The following CIP2A variants were observed in gnomAD, a reference collection of about 807,000 sequenced individuals.
CIP2A encodes protein CIP2A.
A neutral mutation model predicts 110.9 loss-of-function variants in CIP2A; 103 were observed. The ratio of observed to expected loss-of-function variants is 0.93; its 90% CI spans 0.79 to 1.09. The LOEUF (loss-of-function observed/expected upper bound fraction) is 1.09. CIP2A is among the 50% of genes least tolerant of loss of function. CIP2A has a pLI of 0.00. For synonymous variants in CIP2A, 381 were observed against 361.6 expected (o/e 1.05, Z -0.61); for missense variants, 1,088 against 1,038.4 (o/e 1.05, Z -0.66).
At chr3:108,589,142 T>G in intron 1 of CIP2A, 132 bp downstream of exon 1, 3 of 660,328 alleles carry the variant, frequency 4.5e-6, no homozygotes, top group Non-Finnish European at 8.0e-6. Flanking sequence ...CCTTTACCAG[T>G]ACGAAAAGAC....
chr3:108,566,438 A>T, intron 11 of CIP2A, 59 bp downstream of exon 11: 1 of 1,359,858 alleles, frequency 7.4e-7, no homozygotes, highest in Non-Finnish European at 1.0e-6. Flanking sequence ...GATGAGAATC[A>T]CCACATCTTT....
chr3:108,554,883 T>A (rs1937732208), intron 17 of CIP2A, among the ~76,000 whole-genome samples: 1 of 152,154 alleles, frequency 6.6e-6, no homozygotes, highest in South Asian at 2.1e-4. Context: ...CAGAAAAAAA[T>A]CCTTTCTAAA....
In CIP2A at chr3:108,589,365, G is replaced by A. The variant is rs369941949; in HGVS notation, c.11C>T (p.Thr4Ile). The change falls in exon 1 of 21, where the codon ACT becomes ATT. Residue 4 changes from threonine (T) to isoleucine (I), a missense_variant. Thr to Ile is a moderately conservative substitution (Grantham distance 89). Coordinates refer to ENST00000295746, the MANE Select transcript of CIP2A (RefSeq NM_020890.3). Reference sequence around the variant, plus strand: ...CAGGAGCAAGGACTTCAAGCAGGCAGTGGAGTCCATTGCACCGGCCGCGGC... The same window carrying A: ...CAGGAGCAAGGACTTCAAGCAGGCAATGGAGTCCATTGCACCGGCCGCGGC... MDS[T>I]ACLKSLLLTV... The A allele has an allele frequency of 4.3e-6, 7 of 1,612,676 alleles. No homozygotes were observed. In the African/African-American group the frequency reaches 5.3e-5, roughly 12 times the overall value.
chr3:108,579,245 T>G (rs1283558269), intron 7 of CIP2A, 36 bp downstream of exon 7: 2 of 1,529,960 alleles, frequency 1.3e-6, no homozygotes, highest in South Asian at 1.2e-5. Flanking sequence ...GGTTTAAAAA[T>G]AAAAAAGTTC....
intron 7 of CIP2A, among the ~76,000 whole-genome samples, chr3:108,578,609 T>TCAAA (rs942518088): frequency 6.6e-6 from 1 of 152,212 alleles, no homozygotes; most frequent in African/African-American, 2.4e-5. Flanking sequence ...AATGTTTTCT[T>TCAAA]GTGTGTGAAA....
intron 1 of CIP2A, among the ~76,000 whole-genome samples, chr3:108,586,341 C>A (rs1939038114): frequency 6.6e-6 from 1 of 151,086 alleles, no homozygotes; most frequent in African/African-American, 2.5e-5. Flanking sequence ...GTAGGAAATA[C>A]TGTGGGCATT....
intron 18 of CIP2A, among the ~76,000 whole-genome samples, 186 bp from the exon 19 acceptor site, chr3:108,553,916 A>C (rs992886366): frequency 0.02 from 2,785 of 142,818 alleles, 237 homozygotes; most frequent in Non-Finnish European, 0.03. Context: ...AAAAAAAAAA[A>C]AAAGGTCTCG....
intron 5 of CIP2A, among the ~76,000 whole-genome samples, chr3:108,580,753 C>T (rs988976988): frequency 6.6e-6 from 1 of 151,982 alleles, no homozygotes; most frequent in East Asian, 1.9e-4. Context: ...CTCAGCTTCC[C>T]AAGTAGCTGG....
In CIP2A at chr3:108,577,363, G is replaced by A. The variant is rs116060928; in HGVS notation, c.819-1017C>T. On this transcript the variant is annotated intron_variant, in intron 7 of 20. Coordinates refer to ENST00000295746, the MANE Select transcript of CIP2A (RefSeq NM_020890.3). ...AAGGGTCAACTGAATAGGAGGCCCC[G>A]AAGAGAGAGGAGCAACTGCTTCAGA... Among the ~76,000 whole-genome samples the A allele has an allele frequency of 1.9e-3, 282 of 152,230 alleles. 1 individual carries two copies. The highest frequency in any genetic ancestry group is 2.9e-3 in the Admixed American group (44 of 15,294).
intron 10 of CIP2A, 81 bp downstream of exon 10, chr3:108,568,074 G>A: frequency 5.7e-6 from 6 of 1,057,072 alleles, no homozygotes; most frequent in Non-Finnish European, 8.0e-6. Flanking sequence ...TACAAATAAA[G>A]ACAAAATGCA....
intron 8 of CIP2A, among the ~76,000 whole-genome samples, chr3:108,572,239 G>A (rs1938425344): frequency 6.6e-6 from 1 of 151,822 alleles, no homozygotes; most frequent in Admixed American, 6.6e-5. Flanking sequence ...TAGTGCTTTT[G>A]TTTCCTGTTT....
At chr3:108,560,558 T>TA (rs1937970748) in intron 14 of CIP2A, 91 bp downstream of exon 14, 5 of 707,026 alleles carry the variant, frequency 7.1e-6, no homozygotes, top group Non-Finnish European at 1.1e-5. Flanking sequence ...AATAGTGAAA[T>TA]CTGTACCTGA....
At chr3:108,578,129 G>C (rs1435132124) in intron 7 of CIP2A, among the ~76,000 whole-genome samples, 1 of 152,172 alleles carries the variant, frequency 6.6e-6, no homozygotes, top group African/African-American at 2.4e-5. Context: ...CTACGATAGA[G>C]TATAAAATAG....
chr3:108,586,319 AG>A (rs1939037584), intron 1 of CIP2A, among the ~76,000 whole-genome samples: 2 of 152,208 alleles, frequency 1.3e-5, no homozygotes, highest in South Asian at 4.1e-4. Context: ...TGCCAGTAAC[AG>A]ATATTCTGGG....
chr3:108,583,554 A>G (rs1054271493), intron 2 of CIP2A, among the ~76,000 whole-genome samples: 1 of 152,098 alleles, frequency 6.6e-6, no homozygotes, highest in Non-Finnish European at 1.5e-5. Flanking sequence ...ATCTCATGGA[A>G]GTGGAGAATG....
In CIP2A at chr3:108,557,381, C is replaced by T. The variant is rs575788214; in HGVS notation, c.2047G>A (p.Glu683Lys). Residue 683 changes from glutamate to lysine, a missense_variant, in exon 17 of 21, where the codon GAG (glutamate) becomes AAG (lysine). Glu to Lys is a moderately conservative substitution (Grantham distance 56). Transcript: ENST00000295746. ...ACACTAAGCTCTTCATTTTTTCTCT[C>T]AACTTCTCTCAACATACTAGCAAGT... ...RTLASMLREV[E>K]RKNEELSVLL... The T allele has an allele frequency of 1.7e-5, 28 of 1,604,576 alleles. No homozygotes were observed. The South Asian group carries it at 3.0e-4, about 17-fold the overall frequency.
At chr3:108,559,613 C>A in intron 16 of CIP2A, 144 bp downstream of exon 16, 1 of 458,976 alleles carries the variant, frequency 2.2e-6, no homozygotes, top group Non-Finnish European at 3.8e-6. Flanking sequence ...TTAAAGAGGA[C>A]AGAATTTCAG....
intron 7 of CIP2A, among the ~76,000 whole-genome samples, chr3:108,577,282 T>A (rs1015466925): frequency 2.6e-5 from 4 of 152,170 alleles, no homozygotes; most frequent in Non-Finnish European, 4.4e-5. Flanking sequence ...TCAAAGATTT[T>A]AAAAGGGATA....
Position 108,560,682 on chromosome 3 carries a change from T to C in CIP2A, c.1794A>G (p.Glu598=). 1 of 1,608,842 alleles carries C rather than the reference T, an allele frequency of 6.2e-7. No homozygotes were observed. The highest frequency in any genetic ancestry group is 1.1e-5 in the South Asian group (1 of 89,882). ...CAGACTGAAGTTTCTCTATTAATTCTTCAATATTCAATCCAGGAACACCAT... is the reference window on the plus strand; with the variant it reads ...CAGACTGAAGTTTCTCTATTAATTCCTCAATATTCAATCCAGGAACACCAT... ...LKDGVPGLNI[E]ELIEKLQSGM... Residue 598 remains glutamate, a synonymous_variant, in exon 14 of 21, where the codon GAA becomes GAG. Transcript: ENST00000295746.
Sources: gnomAD v4.1 joint callset for allele counts (sites outside exome capture counted in the v4.1 genomes callset) on GRCh38, gnomAD v4.1.1 for gene constraint, MANE v1.5 for transcripts, NCBI Gene and HGNC (gene_info 2026-07-23, HGNC 2026-07-21) for gene names.